The following TMEM266 variants were observed in gnomAD, a reference collection of about 807,000 sequenced individuals.
The protein encoded by TMEM266 is transmembrane protein 266, also known as Hv1 related protein 1.
A neutral mutation model predicts 50.5 loss-of-function variants in TMEM266; 33 were observed. The observed-to-expected ratio is 0.65, with a 90% CI of 0.50 to 0.87. TMEM266 has a LOEUF of 0.87. TMEM266 is among the 40% of genes least tolerant of loss of function. The pLI, the probability that TMEM266 is intolerant of heterozygous loss-of-function variation, is 0.00. For synonymous variants in TMEM266, 310 were observed against 292.3 expected (o/e 1.06, Z -0.62); for missense variants, 655 against 695.1 (o/e 0.94, Z 0.65).
At chr15:76,188,294 C>T (rs939132664) in intron 8 of TMEM266, among the ~76,000 whole-genome samples, 1 of 152,148 alleles carries the variant, frequency 6.6e-6, no homozygotes, top group African/African-American at 2.4e-5. Flanking sequence ...GAAGCAAACA[C>T]GTCCTTCTTC....
Position 76,204,402 on chromosome 15 carries a change from G to T in TMEM266, c.*87G>T. On this transcript the variant is annotated 3_prime_UTR_variant, in exon 11 of 11. Transcript: ENST00000388942. ...TGGAGGCTGCCAAGGGCCACACGCG[G>T]GGCCCAGGAGCCCACCTGGCCTCCC... The T allele has an allele frequency of 1.5e-6, 2 of 1,329,400 alleles. No homozygotes were observed. Among genetic ancestry groups the T allele is most frequent in the Non-Finnish European group, 2.1e-6 (2 of 973,590 alleles). The allele number at this position is 1,329,400 out of a possible 1,614,324, so 82.4% of individuals were successfully genotyped here.
chr15:76,098,281 T>C (rs1596102777), intron 1 of TMEM266, among the ~76,000 whole-genome samples: 1 of 152,206 alleles, frequency 6.6e-6, no homozygotes, highest in African/African-American at 2.4e-5. Flanking sequence ...TCAGATGGGA[T>C]CTTTGGGTGG....
intron 1 of TMEM266, among the ~76,000 whole-genome samples, chr15:76,078,225 TC>T (rs899656647): frequency 1.3e-5 from 2 of 151,972 alleles, no homozygotes; most frequent in African/African-American, 4.8e-5. Flanking sequence ...CCCAGATGGA[TC>T]CCCTCAAGGT....
At position 76,095,419 on chromosome 15, in the gene TMEM266, T is replaced by C. The variant is rs555776391; in HGVS notation, c.-97+35403T>C. Among the ~76,000 whole-genome samples, 13 of 152,074 alleles carry C rather than the reference T, an allele frequency of 8.5e-5. 1 individual carries two copies. The highest frequency in any genetic ancestry group is 1.9e-4 in the Non-Finnish European group (13 of 68,020). On this transcript the variant is annotated intron_variant, in intron 1 of 10. Transcript: ENST00000388942. The stretch of plus-strand genomic sequence containing the variant: ...CCATTTATGTGATGGATTATGTGTA[T>C]TGATTTGCATATGTTGAACCAGCCT...
chr15:76,088,743 G>A (rs1192196522), intron 1 of TMEM266, among the ~76,000 whole-genome samples: 2 of 151,804 alleles, frequency 1.3e-5, no homozygotes, highest in Non-Finnish European at 2.9e-5. Flanking sequence ...CTTGCAGTGA[G>A]CTGAGATCAC....
In TMEM266 at chr15:76,160,212, T is replaced by A; in HGVS notation, c.456+44T>A. On this transcript the variant is annotated intron_variant, in intron 5 of 10. Coordinates refer to ENST00000388942, the MANE Select transcript of TMEM266 (RefSeq NM_152335.3). The surrounding 1 kb of genome is among the most constrained non-coding windows in gnomAD (Gnocchi z 5.7). ...CCTGTCACCTCCTCTGTTGGGTGACTCCTGTCCTGGGGAAACCAAGGTCTA... is the reference window on the plus strand; with the variant it reads ...CCTGTCACCTCCTCTGTTGGGTGACACCTGTCCTGGGGAAACCAAGGTCTA... The A allele has an allele frequency of 6.4e-7, 1 of 1,565,840 alleles. No homozygotes were observed. Among genetic ancestry groups the A allele is most frequent in the Non-Finnish European group, 8.8e-7 (1 of 1,136,690 alleles).
intron 1 of TMEM266, among the ~76,000 whole-genome samples, chr15:76,070,741 T>C (rs138234869): frequency 0.013 from 2,008 of 152,290 alleles, 26 homozygotes; most frequent in Non-Finnish European, 0.021. Context: ...TATAACTACA[T>C]TGCAAGGGTA....
At chr15:76,179,974 A>G (rs962367440) in intron 8 of TMEM266, among the ~76,000 whole-genome samples, 1 of 152,006 alleles carries the variant, frequency 6.6e-6, no homozygotes, top group Admixed American at 6.5e-5. Context: ...AAACAAAACA[A>G]AACAAAACGC....
At chr15:76,129,892 G>A (rs777327561) in intron 1 of TMEM266, among the ~76,000 whole-genome samples, 1 of 151,970 alleles carries the variant, frequency 6.6e-6, no homozygotes, top group Admixed American at 6.6e-5. Flanking sequence ...CAGGACAAAT[G>A]GGGGAAATGT....
chr15:76,192,054 C>T lies in TMEM266; in HGVS notation c.855C>T (p.His285=), dbSNP rs747418266. The T allele has an allele frequency of 6.6e-6, 10 of 1,521,378 alleles. No homozygotes were observed. Among genetic ancestry groups the T allele is most frequent in the African/African-American group, 1.5e-5 (1 of 68,946 alleles). 94.2% of individuals were successfully genotyped at this position (1,521,378 alleles called of 1,614,324 possible). The change falls in exon 9 of 11, where the codon CAC becomes CAT. Residue 285 remains histidine, a synonymous_variant. Transcript: ENST00000388942. ...GCGAAGCGGCGCTCCAGGCCCCGCA[C>T]GTGCTCAGCCAGCCGCGCAGCCGCT...
chr15:76,062,890 G>A (rs1263342541), intron 1 of TMEM266, among the ~76,000 whole-genome samples: 1 of 152,180 alleles, frequency 6.6e-6, no homozygotes, highest in East Asian at 1.9e-4. Flanking sequence ...TTTTGGGAGA[G>A]TGGGGGAAAA....
intron 3 of TMEM266, 151 bp from the exon 4 acceptor site, chr15:76,156,453 A>T: frequency 2.8e-6 from 2 of 722,714 alleles, no homozygotes; most frequent in South Asian, 1.9e-5. Context: ...AGCCTCTTGA[A>T]TGAGGTTGTG....
chr15:76,073,561 G>C (rs1444837888), intron 1 of TMEM266, among the ~76,000 whole-genome samples: 3 of 152,234 alleles, frequency 2.0e-5, no homozygotes, highest in African/African-American at 7.2e-5. Context: ...ACACGGTGCA[G>C]TTCCTTAAAA....
intron 1 of TMEM266, among the ~76,000 whole-genome samples, chr15:76,082,646 G>C (rs1362282469): frequency 6.7e-6 from 1 of 149,148 alleles, no homozygotes. Flanking sequence ...GTGAAAGAAG[G>C]AGCAAGAGAG....
chr15:76,134,990 A>G (rs1019482956), intron 2 of TMEM266, among the ~76,000 whole-genome samples: 5 of 152,210 alleles, frequency 3.3e-5, no homozygotes, highest in Non-Finnish European at 4.4e-5. Flanking sequence ...ATCCTCCAGT[A>G]GGCTAGGCTG....
At chr15:76,194,299 T>G (rs1231615907) in intron 9 of TMEM266, among the ~76,000 whole-genome samples, 2 of 152,250 alleles carry the variant, frequency 1.3e-5, no homozygotes, top group African/African-American at 4.8e-5. Context: ...AATTCCTGAT[T>G]AGTTGAAACA....
chr15:76,171,037 G>A lies in TMEM266; in HGVS notation c.558G>A (p.Val186=). 6.2e-7 allele frequency: 1 copy of A among 1,613,128 alleles called. No homozygotes were observed. Among genetic ancestry groups the A allele is most frequent in the Non-Finnish European group, 8.5e-7 (1 of 1,179,644 alleles). Residue 186 remains valine (V), a synonymous_variant, in exon 7 of 11, where the codon GTG becomes GTA. Transcript: ENST00000388942. ...TCATCCTATCTTTGGCTCCGATGGT[G>A]GCATCCACTGTGGCCAATGGACCCA...
In TMEM266 at chr15:76,160,245, A is replaced by G; in HGVS notation, c.456+77A>G. ...TGGGGAAACCAAGGTCTACTTCTCGAAATGGTTTCTAGCATCAGGTCCCCT... is the reference window on the plus strand; with the variant it reads ...TGGGGAAACCAAGGTCTACTTCTCGGAATGGTTTCTAGCATCAGGTCCCCT... On this transcript the variant is annotated intron_variant, in intron 5 of 10. Coordinates refer to ENST00000388942, the MANE Select transcript of TMEM266 (RefSeq NM_152335.3). The surrounding 1 kb of genome is among the most constrained non-coding windows in gnomAD (Gnocchi z 5.7). The G allele has an allele frequency of 7.0e-7, 1 of 1,428,374 alleles. No individual in the cohort carries two copies. The highest frequency in any genetic ancestry group is 1.7e-5 in the Admixed American group (1 of 58,318). 88.5% of individuals were successfully genotyped at this position (1,428,374 alleles called of 1,614,324 possible). A position where few individuals can be genotyped will look rare whatever the true frequency, so the allele number is the denominator to read the frequency against.
chr15:76,113,701 A>G (rs1001910991), intron 1 of TMEM266: 2 of 152,126 alleles, frequency 1.3e-5, no homozygotes, highest in Non-Finnish European at 2.9e-5. Context: ...CAAGGTCAGG[A>G]GATCGAAACC....
Sources: allele counts gnomAD v4.1 joint callset (sites outside exome capture counted in the v4.1 genomes callset), GRCh38; gene constraint gnomAD v4.1.1; non-coding constraint Gnocchi (gnomAD v3.1); transcripts MANE v1.5; gene names NCBI Gene and HGNC (gene_info 2026-07-23, HGNC 2026-07-21).